Variants in GAK observed in about 807,000 individuals in gnomAD.
GAK encodes cyclin-G-associated kinase.
In GAK, 79 loss-of-function variants were observed where a neutral mutation model predicts 143.9. The ratio of observed to expected loss-of-function variants is 0.55; its 90% CI spans 0.46 to 0.66. GAK has a LOEUF of 0.66. GAK is among the 30% of genes least tolerant of loss of function. The pLI is 0.00. For missense variants in GAK, 1,693 were observed against 1,779.7 expected, an observed-to-expected ratio of 0.95 and a Z score of 0.88; for synonymous variants, 881 against 765.5, an observed-to-expected ratio of 1.15 and a Z score of -2.49.
At chr4:910,285 C>T (rs555927173) in intron 4 of GAK, among the ~76,000 whole-genome samples, 11 of 152,150 alleles carry the variant, frequency 7.2e-5, no homozygotes, top group Non-Finnish European at 1.6e-4. Context: ...CACCTACCCT[C>T]AGCCCTCAGC....
intron 9 of GAK, among the ~76,000 whole-genome samples, chr4:892,285 C>A (rs745461738): frequency 2.6e-5 from 4 of 152,172 alleles, no homozygotes; most frequent in Non-Finnish European, 5.9e-5. Context: ...GGACAAAATG[C>A]AGGAGCCAAG....
chr4:911,986 C>A, intron 3 of GAK, 199 bp from the exon 4 acceptor site: 1 of 518,950 alleles, frequency 1.9e-6, no homozygotes, highest in Non-Finnish European at 3.7e-6. Context: ...GGAGGAGCTG[C>A]AGGAGAGGGC....
chr4:925,899 G>A (rs1012728636), intron 1 of GAK, among the ~76,000 whole-genome samples: 1 of 152,192 alleles, frequency 6.6e-6, no homozygotes, highest in Non-Finnish European at 1.5e-5. Context: ...ACGGGGATGC[G>A]CACCCACACA....
intron 18 of GAK, 139 bp downstream of exon 18, chr4:876,391 C>T: frequency 2.8e-6 from 2 of 716,680 alleles, no homozygotes; most frequent in Non-Finnish European, 4.9e-6. Flanking sequence ...CAGGATGGCC[C>T]AGGAACAGGC....
chr4:880,414 C>T (rs1200123318), intron 15 of GAK, among the ~76,000 whole-genome samples: 1 of 152,262 alleles, frequency 6.6e-6, no homozygotes, highest in Non-Finnish European at 1.5e-5. Context: ...AGCTCTTTCT[C>T]TCGTCTCCTC....
At position 901,845 on chromosome 4, in the gene GAK, C is replaced by T. The variant is rs181154783; in HGVS notation, c.525+2792G>A. 2.8e-4 allele frequency among the ~76,000 whole-genome samples: 42 copies of T among 152,314 alleles called. 1 individual carries two copies. Among genetic ancestry groups the T allele is most frequent in the Admixed American group, 7.2e-4 (11 of 15,300 alleles). On this transcript the variant is annotated intron_variant, in intron 5 of 27. Transcript: ENST00000314167. ...CCCGATTAGCGAGGTCTGAGAGAAGCCACACTTTGGGAAAACCAGGGAAGG... is the reference window on the plus strand; with the variant it reads ...CCCGATTAGCGAGGTCTGAGAGAAGTCACACTTTGGGAAAACCAGGGAAGG...
intron 1 of GAK, among the ~76,000 whole-genome samples, chr4:920,539 A>ATTTTTTTTTTTTTTTTTTT (rs34176109): frequency 1.0e-4 from 13 of 129,588 alleles, no homozygotes; most frequent in East Asian, 2.4e-4. Flanking sequence ...GTTTAGAGCC[A>ATTTTTTTTTTTTTTTTTTT]TTTTTTTTTT....
At position 850,922 on chromosome 4, in the gene GAK, G is replaced by GGCCCC; in HGVS notation, c.3657+13_3657+14insGGGGC. ...GGCCTCTGGGCTCCCAGGAAGAGCT[G>GGCCCC]CCCACCCACCCACCTTCAGCTTGAG... On this transcript the variant is annotated intron_variant, in intron 26 of 27. Coordinates refer to ENST00000314167, the MANE Select transcript of GAK (RefSeq NM_005255.4). 6.2e-7 allele frequency: 1 copy of GGCCCC among 1,608,720 alleles called. No homozygotes were observed. Among genetic ancestry groups the GGCCCC allele is most frequent in the South Asian group, 1.1e-5 (1 of 90,838 alleles).
At position 876,836 on chromosome 4, in the gene GAK, G is replaced by A. The variant is rs538676674; in HGVS notation, c.1975-227C>T. Among the ~76,000 whole-genome samples, 45 of 152,344 alleles carry A rather than the reference G, an allele frequency of 3.0e-4. 1 individual carries two copies. Among genetic ancestry groups the A allele is most frequent in the South Asian group, 1.9e-3 (9 of 4,824 alleles). Reference sequence around the variant, plus strand: ...ACAAGCTGCTTCACGGGACTGCCGTGGGGGCTGCCCCAAGTGGACCCTCAA... The same window carrying A: ...ACAAGCTGCTTCACGGGACTGCCGTAGGGGCTGCCCCAAGTGGACCCTCAA... On this transcript the variant is annotated intron_variant, in intron 17 of 27. Coordinates refer to ENST00000314167, the MANE Select transcript of GAK (RefSeq NM_005255.4).
Position 876,557 on chromosome 4 carries a change from C to T in GAK, c.2027G>A (p.Arg676Gln), listed in dbSNP as rs139900404. Residue 676 changes from arginine (R) to glutamine (Q), a missense_variant, in exon 18 of 28, where the codon CGG becomes CAG. By Grantham distance (43) the Arg-to-Gln change is conservative (BLOSUM62 1). Coordinates refer to ENST00000314167, the MANE Select transcript of GAK (RefSeq NM_005255.4). ...QIQFHTGFVPRNATTVKFAKY... is the reference protein window; with the variant it reads ...QIQFHTGFVPQNATTVKFAKY... The stretch of plus-strand genomic sequence containing the variant: ...GGCAAATTTCACAGTGGTGGCGTTC[C>T]GAGGCACAAACCCCGTGTGGAACTG... 5.6e-6 allele frequency: 9 copies of T among 1,614,172 alleles called. No individual in the cohort carries two copies. The highest frequency in any genetic ancestry group is 6.8e-6 in the Non-Finnish European group (8 of 1,180,038).
At chr4:899,279 A>T (rs1383245131) in intron 5 of GAK, among the ~76,000 whole-genome samples, 1 of 152,228 alleles carries the variant, frequency 6.6e-6, no homozygotes. Flanking sequence ...GGCTTCTTCA[A>T]CAAGACAGAC....
intron 15 of GAK, among the ~76,000 whole-genome samples, chr4:881,589 T>C (rs1401054717): frequency 1.3e-5 from 2 of 152,202 alleles, no homozygotes; most frequent in Non-Finnish European, 2.9e-5. Flanking sequence ...TGTCAGGTGC[T>C]CCACACGGCA....
chr4:877,922 G>A, intron 15 of GAK, 113 bp from the exon 16 acceptor site: 1 of 840,962 alleles, frequency 1.2e-6, no homozygotes, highest in Middle Eastern at 2.8e-4. Flanking sequence ...TTGTAGCAAT[G>A]TTTTAGTTGC....
At chr4:859,796 CGCCTCCTTACGACATGACA>C in intron 23 of GAK, 74 bp from the exon 24 acceptor site, 1 of 1,044,552 alleles carries the variant, frequency 9.6e-7, no homozygotes, top group African/African-American at 1.6e-5. Flanking sequence ...CCTCCGATGG[CGCCTCCTTACGACATGACA>C]GCCTCACTCC....
At chr4:866,925 A>C (rs759066088) in intron 21 of GAK, 31 bp downstream of exon 21, 1 of 1,416,590 alleles carries the variant, frequency 7.1e-7, no homozygotes, top group Admixed American at 2.4e-5. Flanking sequence ...TCTACTGTGA[A>C]GCCACTCGCC....
intron 24 of GAK, among the ~76,000 whole-genome samples, chr4:856,111 G>A (rs1457982744): frequency 1.3e-5 from 2 of 152,084 alleles, no homozygotes; most frequent in Non-Finnish European, 2.9e-5. Flanking sequence ...ACCTCAGCTT[G>A]CTGAGTAGCT....
chr4:849,827 G>A (rs1290819086), intron 27 of GAK, 53 bp from the exon 28 acceptor site: 2 of 1,410,386 alleles, frequency 1.4e-6, no homozygotes, highest in Middle Eastern at 1.9e-4. Context: ...GGGGCGGGCG[G>A]GGCAGGACCC....
At chr4:882,131 T>G (rs1259983600) in intron 14 of GAK, 91 bp from the exon 15 acceptor site, 1 of 1,362,872 alleles carries the variant, frequency 7.3e-7, no homozygotes, top group Non-Finnish European at 1.0e-6. Context: ...ACCCTGTGGC[T>G]GCAGGGACGC....
chr4:877,886 G>C (rs1232689466), intron 15 of GAK, 77 bp from the exon 16 acceptor site: 2 of 1,353,812 alleles, frequency 1.5e-6, no homozygotes, highest in Admixed American at 2.8e-5. Context: ...CTTTCGAATA[G>C]AAGTTTTTCA....
Sources: gnomAD v4.1 joint callset for allele counts (sites outside exome capture counted in the v4.1 genomes callset) on GRCh38, gnomAD v4.1.1 for gene constraint, MANE v1.5 for transcripts, NCBI Gene and HGNC (gene_info 2026-07-23, HGNC 2026-07-21) for gene names.